UBE2E3: variants seen among roughly 807,000 people sequenced by gnomAD.
UBE2E3 encodes ubiquitin-conjugating enzyme E2 E3.
A neutral mutation model predicts 23.6 loss-of-function variants in UBE2E3; 5 were observed. That is an observed-to-expected ratio of 0.21 (90% CI 0.11 to 0.44). The LOEUF is 0.44. UBE2E3 is among the 20% of genes least tolerant of loss of function. The pLI is 0.99. For synonymous variants in UBE2E3, 78 were observed against 87.5 expected, an observed-to-expected ratio of 0.89 and a Z score of 0.60; for missense variants, 81 against 249.8, an observed-to-expected ratio of 0.32 and a Z score of 4.55.
At chr2:181,024,766 TA>T (rs1196825679) in intron 3 of UBE2E3, among the ~76,000 whole-genome samples, 1 of 152,098 alleles carries the variant, frequency 6.6e-6, no homozygotes. Flanking sequence ...AACTATTTTA[TA>T]AATGAAAAAC....
chr2:181,036,632 C>G (rs1035877069), intron 3 of UBE2E3, among the ~76,000 whole-genome samples: 1 of 152,190 alleles, frequency 6.6e-6, no homozygotes, highest in African/African-American at 2.4e-5. Context: ...GCAGGAGCAT[C>G]CTGTCCAGGG....
chr2:181,032,197 A>G (rs56252601), intron 3 of UBE2E3, among the ~76,000 whole-genome samples: 6,173 of 152,272 alleles, frequency 0.041, 238 homozygotes, highest in African/African-American at 0.098. Flanking sequence ...TTGTTGAAGT[A>G]GTGTGTTATG....
chr2:180,997,701 G>A (rs1399017907), intron 3 of UBE2E3, among the ~76,000 whole-genome samples: 1 of 151,908 alleles, frequency 6.6e-6, no homozygotes, highest in African/African-American at 2.4e-5. Context: ...CTTCCATTAT[G>A]TAGAAAAGTC....
intron 3 of UBE2E3, among the ~76,000 whole-genome samples, chr2:181,034,514 C>T (rs1686200976): frequency 6.6e-6 from 1 of 152,146 alleles, no homozygotes; most frequent in Admixed American, 6.5e-5. Context: ...ACATCACACA[C>T]CGGGACCTAC....
chr2:181,039,336 CAATAAATGGCTACATTGAA>C (rs1157528687), intron 3 of UBE2E3, among the ~76,000 whole-genome samples: 11 of 151,990 alleles, frequency 7.2e-5, no homozygotes, highest in African/African-American at 2.7e-4. Flanking sequence ...TTGAAAAATA[CAATAAATGGCTACATTGAA>C]AATGTAATGA....
intron 3 of UBE2E3, among the ~76,000 whole-genome samples, chr2:180,993,789 A>G (rs1280847720): frequency 6.6e-6 from 1 of 152,196 alleles, no homozygotes; most frequent in Non-Finnish European, 1.5e-5. Flanking sequence ...GATTGTGGCT[A>G]CATATTTTTT....
intron 3 of UBE2E3, among the ~76,000 whole-genome samples, chr2:181,005,573 A>C (rs1305076645): frequency 6.6e-6 from 1 of 152,168 alleles, no homozygotes; most frequent in South Asian, 2.1e-4. Context: ...CTATTTCTCC[A>C]TAGTCCTTAC....
chr2:181,009,186 G>GT (rs1180722794), intron 3 of UBE2E3, among the ~76,000 whole-genome samples: 1 of 151,978 alleles, frequency 6.6e-6, no homozygotes, highest in Non-Finnish European at 1.5e-5. Flanking sequence ...CTTAGTAATT[G>GT]TTAATGTAAT....
chr2:181,019,257 G>T (rs1327877239), intron 3 of UBE2E3, among the ~76,000 whole-genome samples: 3 of 152,162 alleles, frequency 2.0e-5, no homozygotes, highest in African/African-American at 7.2e-5. Flanking sequence ...GCCGCACCCG[G>T]CCTAGCTCTA....
At chr2:181,052,597 T>C (rs1006915233) in intron 3 of UBE2E3, among the ~76,000 whole-genome samples, 1 of 151,728 alleles carries the variant, frequency 6.6e-6, no homozygotes, top group Admixed American at 6.6e-5. Context: ...GTGCAGGCAG[T>C]TATCATTGAG....
At chr2:181,030,347 T>C (rs2105644905) in intron 3 of UBE2E3, among the ~76,000 whole-genome samples, 1 of 152,226 alleles carries the variant, frequency 6.6e-6, no homozygotes, top group South Asian at 2.1e-4. Context: ...GGAGTCTTGC[T>C]CTGTCGCCCA....
At chr2:181,024,188 T>C (rs940655367) in intron 3 of UBE2E3, among the ~76,000 whole-genome samples, 1 of 152,164 alleles carries the variant, frequency 6.6e-6, no homozygotes, top group Non-Finnish European at 1.5e-5. Flanking sequence ...GAAAGTTCAT[T>C]AATATCTTCA....
chr2:181,024,550 C>G (rs919571291), intron 3 of UBE2E3, among the ~76,000 whole-genome samples: 1 of 152,018 alleles, frequency 6.6e-6, no homozygotes, highest in Non-Finnish European at 1.5e-5. Flanking sequence ...TATTTTCAAA[C>G]TTGACTTTTA....
intron 3 of UBE2E3, among the ~76,000 whole-genome samples, chr2:181,030,812 T>C (rs1686052858): frequency 6.6e-6 from 1 of 152,134 alleles, no homozygotes; most frequent in Admixed American, 6.5e-5. Context: ...TTCTAGGAAT[T>C]AGAGCATTTA....
At chr2:181,025,942 T>C (rs996536200) in intron 3 of UBE2E3, among the ~76,000 whole-genome samples, 3 of 151,986 alleles carry the variant, frequency 2.0e-5, no homozygotes, top group African/African-American at 4.8e-5. Flanking sequence ...CATAAACGTG[T>C]AATCACATTT....
At chr2:181,041,042 G>A (rs887862536) in intron 3 of UBE2E3, among the ~76,000 whole-genome samples, 16 of 151,944 alleles carry the variant, frequency 1.1e-4, no homozygotes, top group African/African-American at 3.4e-4. Flanking sequence ...GAGGTCAGGA[G>A]ATCAAAACCA....
In UBE2E3 at chr2:181,006,668, T is replaced by C. The variant is rs564878937; in HGVS notation, c.245+22575T>C. On this transcript the variant is annotated intron_variant, in intron 3 of 5. Coordinates refer to ENST00000410062, the MANE Select transcript of UBE2E3 (RefSeq NM_006357.4). ...ATTTTGAGATAATTATAGATTCATA[T>C]GTGGTTGTAAGAAAGCAGAGAGATT... 1.3e-3 allele frequency among the ~76,000 whole-genome samples: 182 copies of C among 143,898 alleles called. 1 individual carries two copies. The highest frequency in any genetic ancestry group is 2.4e-3 in the Non-Finnish European group (152 of 63,348). 94.4% of individuals were successfully genotyped at this position (143,898 alleles called of 152,430 possible).
chr2:181,020,655 G>A (rs1050042950), intron 3 of UBE2E3, among the ~76,000 whole-genome samples: 4 of 152,042 alleles, frequency 2.6e-5, no homozygotes, highest in Admixed American at 2.6e-4. Context: ...TGTTTCTTGT[G>A]TCTAAGTTCA....
chr2:181,037,731 G>A (rs1035137440), intron 3 of UBE2E3, among the ~76,000 whole-genome samples: 1 of 152,142 alleles, frequency 6.6e-6, no homozygotes, highest in African/African-American at 2.4e-5. Context: ...ACTTTTAGGA[G>A]GTTAAGGGGG....
Sources: gnomAD v4.1 joint callset for allele counts (sites outside exome capture counted in the v4.1 genomes callset) on GRCh38, gnomAD v4.1.1 for gene constraint, MANE v1.5 for transcripts, NCBI Gene and HGNC (gene_info 2026-07-23, HGNC 2026-07-21) for gene names.